Variants in IQSEC1 observed in about 807,000 individuals in gnomAD.
The protein encoded by IQSEC1 is IQ motif and SEC7 domain-containing protein 1.
Under a neutral mutation model 91.0 loss-of-function variants are expected in IQSEC1, and 31 were observed. The observed-to-expected ratio is 0.34, with a 90% confidence interval of 0.26 to 0.46. The LOEUF is 0.46. IQSEC1 is among the 20% of genes least tolerant of loss of function. IQSEC1 has a pLI of 1.00. For missense variants in IQSEC1, 1,388 were observed against 1,575.6 expected, an observed-to-expected ratio of 0.88 and a Z score of 2.02; for synonymous variants, 699 against 662.6, an observed-to-expected ratio of 1.05 and a Z score of -0.84.
At chr3:13,217,148 T>G (rs1251484775) in intron 1 of IQSEC1, among the ~76,000 whole-genome samples, 1 of 152,242 alleles carries the variant, frequency 6.6e-6, no homozygotes, top group Non-Finnish European at 1.5e-5. Flanking sequence ...TTTTGCTTGT[T>G]TTGTTTTACA....
chr3:12,990,013 C>T (rs1701914912), intron 1 of IQSEC1, among the ~76,000 whole-genome samples: 1 of 152,198 alleles, frequency 6.6e-6, no homozygotes, highest in Non-Finnish European at 1.5e-5. Context: ...AACCCTCAGT[C>T]CACTTGGATA....
At chr3:12,977,345 C>T (rs2125570046) in intron 1 of IQSEC1, among the ~76,000 whole-genome samples, 2 of 86,952 alleles carry the variant, frequency 2.3e-5, no homozygotes, top group Middle Eastern at 9.6e-3. Flanking sequence ...AAAATCCTGT[C>T]TCCAGGGAAA....
At chr3:13,174,821 T>C (rs1475224783) in intron 1 of IQSEC1, among the ~76,000 whole-genome samples, 3 of 144,168 alleles carry the variant, frequency 2.1e-5, no homozygotes, top group Admixed American at 2.0e-4. Flanking sequence ...AGCCCACTGG[T>C]GGTCTTTCTG....
intron 1 of IQSEC1, among the ~76,000 whole-genome samples, chr3:13,043,738 TGGAA>T: frequency 6.6e-6 from 1 of 152,294 alleles, no homozygotes; most frequent in East Asian, 1.9e-4. Context: ...TAATCATTTG[TGGAA>T]GGAAGGAAGG....
chr3:12,908,407 G>A lies in IQSEC1; in HGVS notation c.2697C>T (p.Ser899=), dbSNP rs754705325. 20 of 1,613,092 alleles carry A rather than the reference G, an allele frequency of 1.2e-5. No individual in the cohort carries two copies. Among genetic ancestry groups the A allele is most frequent in the Non-Finnish European group, 1.4e-5 (17 of 1,180,030 alleles). ...SRACLDDSYA[S]GEGLKRSALS... ...GGGCGCTGCGCTTGAGGCCCTCACC[G>A]CTGGCATAGCTGTCGTCCAGGCAGG... Residue 899 remains serine (S), a synonymous_variant, in exon 12 of 14, where the codon AGC becomes AGT. Coordinates refer to ENST00000613206, the MANE Select transcript of IQSEC1 (RefSeq NM_001134382.3). This position sits in a 1 kb window ranked among gnomAD's most constrained non-coding sequence, Gnocchi z 4.9.
chr3:13,182,656 A>G (rs1319941528), intron 1 of IQSEC1, among the ~76,000 whole-genome samples: 1 of 152,202 alleles, frequency 6.6e-6, no homozygotes, highest in East Asian at 1.9e-4. Flanking sequence ...ACCTTAATAA[A>G]TTTAAGAGAA....
chr3:13,077,258 CT>C, upstream of IQSEC1, among the ~76,000 whole-genome samples: 1 of 152,288 alleles, frequency 6.6e-6, no homozygotes, highest in Admixed American at 6.5e-5. Context: ...ACCGTGAACT[CT>C]GATATACCCC....
At chr3:13,104,473 T>A (rs894195937) in intron 2 of IQSEC1, among the ~76,000 whole-genome samples, 3 of 152,160 alleles carry the variant, frequency 2.0e-5, no homozygotes, top group African/African-American at 7.2e-5. Flanking sequence ...TTCACAGCCA[T>A]GATGTTGTTA....
Position 12,922,090 on chromosome 3 carries a change from T to C in IQSEC1, c.1853+30A>G. 3 of 1,543,680 alleles carry C rather than the reference T, an allele frequency of 1.9e-6. No homozygotes were observed. The highest frequency in any genetic ancestry group is 2.6e-6 in the Non-Finnish European group (3 of 1,138,142). On this transcript the variant is annotated intron_variant, in intron 5 of 13. Coordinates refer to ENST00000613206, the MANE Select transcript of IQSEC1 (RefSeq NM_001134382.3). The surrounding 1 kb of genome is among the most constrained non-coding windows in gnomAD (Gnocchi z 5.1). ...GCTGGGGGACACCATTCTTCCCTGA[T>C]GCAGCAGCCCCAGCCAGCCCGGGCC... is the stretch of plus-strand genomic sequence containing the variant.
At chr3:13,156,229 C>T (rs944364702) in intron 2 of IQSEC1, among the ~76,000 whole-genome samples, 7 of 151,582 alleles carry the variant, frequency 4.6e-5, no homozygotes, top group African/African-American at 1.7e-4. Context: ...GAGACTCCGT[C>T]CCAAAAAAAT....
chr3:13,017,600 G>T (rs1703194890), intron 1 of IQSEC1, among the ~76,000 whole-genome samples: 2 of 152,196 alleles, frequency 1.3e-5, no homozygotes, highest in Admixed American at 1.3e-4. Context: ...CTCCTCACAG[G>T]GTGGGCGCTA....
In IQSEC1 at chr3:12,923,785, C is replaced by T. The variant is rs184151774; in HGVS notation, c.1730+796G>A. ...GCTCCCGGGCACCTTCTCCCCAGCC[C>T]TCGTTGGTCCCCTCGGCTGCACATG... On this transcript the variant is annotated intron_variant, in intron 4 of 13. Coordinates refer to ENST00000613206, the MANE Select transcript of IQSEC1 (RefSeq NM_001134382.3). Among the ~76,000 whole-genome samples the T allele has an allele frequency of 2.8e-3, 423 of 152,370 alleles. 1 individual carries two copies. Among genetic ancestry groups the T allele is most frequent in the African/African-American group, 9.7e-3 (402 of 41,582 alleles).
At chr3:13,218,249 G>A (rs1694587617) in intron 1 of IQSEC1, among the ~76,000 whole-genome samples, 1 of 152,212 alleles carries the variant, frequency 6.6e-6, no homozygotes, top group Non-Finnish European at 1.5e-5. Context: ...GCATGGGTGG[G>A]GAGCGGCTGG....
At chr3:13,088,642 C>T (rs1362922609) in intron 2 of IQSEC1, among the ~76,000 whole-genome samples, 3 of 152,258 alleles carry the variant, frequency 2.0e-5, no homozygotes, top group East Asian at 3.9e-4. Flanking sequence ...CTCCCGGGGA[C>T]CCCACCCCAC....
intron 2 of IQSEC1, among the ~76,000 whole-genome samples, chr3:13,130,359 A>AAAAG (rs1553567653): frequency 4.4e-4 from 65 of 148,448 alleles, no homozygotes; most frequent in African/African-American, 8.9e-4. Context: ...AAAAAAAAAA[A>AAAAG]AAAGAAAGAA....
intron 1 of IQSEC1, among the ~76,000 whole-genome samples, chr3:13,018,007 T>G (rs1703222113): frequency 6.6e-6 from 1 of 152,178 alleles, no homozygotes; most frequent in Non-Finnish European, 1.5e-5. Flanking sequence ...CAGGGAGTCC[T>G]GGTCTCTGCA....
intron 1 of IQSEC1, among the ~76,000 whole-genome samples, chr3:13,218,058 G>GC (rs1220596201): frequency 4.6e-5 from 7 of 152,196 alleles, no homozygotes; most frequent in African/African-American, 1.7e-4. Flanking sequence ...TGCACCCCTG[G>GC]CTTCCGAGGC....
intron 1 of IQSEC1, among the ~76,000 whole-genome samples, chr3:13,048,848 A>G (rs780421803): frequency 6.6e-6 from 1 of 152,162 alleles, no homozygotes; most frequent in Non-Finnish European, 1.5e-5. Context: ...CTTCTTCTCC[A>G]GCCCCAGCAG....
At chr3:13,146,682 A>G (rs542855667) in intron 2 of IQSEC1, among the ~76,000 whole-genome samples, 1 of 152,336 alleles carries the variant, frequency 6.6e-6, no homozygotes, top group Admixed American at 6.5e-5. Context: ...TCTACTAAAA[A>G]TACAAAAATT....
Sources: gnomAD v4.1 joint callset for allele counts (sites outside exome capture counted in the v4.1 genomes callset) on GRCh38, gnomAD v4.1.1 for gene constraint, Gnocchi (gnomAD v3.1) non-coding constraint, MANE v1.5 for transcripts, NCBI Gene and HGNC (gene_info 2026-07-23, HGNC 2026-07-21) for gene names.